The following PRKN variants were observed in gnomAD, a reference collection of about 807,000 sequenced individuals.
PRKN encodes E3 ubiquitin-protein ligase parkin.
In PRKN, 56 loss-of-function variants were observed where a neutral mutation model predicts 59.5. The ratio of observed to expected loss-of-function variants is 0.94; its 90% CI spans 0.76 to 1.18. The LOEUF is 1.18. PRKN is among the 50% of genes most tolerant of loss of function. The pLI is 0.00. For missense variants in PRKN, 657 were observed against 596.4 expected, an observed-to-expected ratio of 1.10 and a Z score of -1.06; for synonymous variants, 250 against 222.1, an observed-to-expected ratio of 1.13 and a Z score of -1.12.
chr6:161,895,774 G>A (rs998417125), intron 6 of PRKN, among the ~76,000 whole-genome samples: 1 of 152,100 alleles, frequency 6.6e-6, no homozygotes, highest in South Asian at 2.1e-4. Flanking sequence ...GGGTGCCTAT[G>A]AGTGCCTCAG....
intron 1 of PRKN, among the ~76,000 whole-genome samples, chr6:162,587,787 AAAG>A (rs1303453848): frequency 6.6e-6 from 1 of 152,146 alleles, no homozygotes; most frequent in African/African-American, 2.4e-5. Context: ...CTTTCCTCAT[AAAG>A]AAGCACAGAA....
chr6:161,627,336 T>G (rs761681645), intron 7 of PRKN, among the ~76,000 whole-genome samples: 11 of 152,228 alleles, frequency 7.2e-5, no homozygotes, highest in Non-Finnish European at 1.5e-4. Flanking sequence ...TACGTATTAT[T>G]TTCTGAAAGA....
chr6:162,425,129 C>T (rs781184748), intron 2 of PRKN, among the ~76,000 whole-genome samples: 1 of 152,020 alleles, frequency 6.6e-6, no homozygotes, highest in South Asian at 2.1e-4. Flanking sequence ...CTAGACCTTA[C>T]ATTTGATGGT....
chr6:162,480,157 T>C (rs544126074), intron 1 of PRKN, among the ~76,000 whole-genome samples: 2 of 152,242 alleles, frequency 1.3e-5, no homozygotes, highest in Admixed American at 1.3e-4. Flanking sequence ...CTATACATAA[T>C]TGTATGTGCT....
At chr6:161,752,122 A>T (rs887649251) in intron 7 of PRKN, among the ~76,000 whole-genome samples, 1 of 151,980 alleles carries the variant, frequency 6.6e-6, no homozygotes, top group Admixed American at 6.6e-5. Flanking sequence ...TTTTTGAAAA[A>T]CCCTCTCAGG....
chr6:161,640,922 C>T (rs114102275), intron 7 of PRKN, among the ~76,000 whole-genome samples: 7,093 of 152,292 alleles, frequency 0.047, 257 homozygotes, highest in African/African-American at 0.089. Flanking sequence ...AGTGATCTTT[C>T]GAAGCCCTGA....
chr6:161,935,897 A>G (rs1472196730), intron 6 of PRKN, among the ~76,000 whole-genome samples: 3 of 152,156 alleles, frequency 2.0e-5, no homozygotes, highest in African/African-American at 7.2e-5. Context: ...ACAATAGCCA[A>G]TGCCATAGAC....
intron 5 of PRKN, among the ~76,000 whole-genome samples, chr6:162,025,356 C>G (rs531165505): frequency 2.6e-5 from 4 of 152,010 alleles, no homozygotes; most frequent in Admixed American, 2.6e-4. Context: ...TTAGTATACT[C>G]TCATTTGACC....
At chr6:162,418,886 A>C (rs1034479994) in intron 2 of PRKN, among the ~76,000 whole-genome samples, 1 of 151,738 alleles carries the variant, frequency 6.6e-6, no homozygotes, top group East Asian at 2.0e-4. Flanking sequence ...GCCAGCTAGA[A>C]TCATCTGCGA....
At chr6:162,453,920 G>C (rs1460150492) in intron 1 of PRKN, among the ~76,000 whole-genome samples, 1 of 152,014 alleles carries the variant, frequency 6.6e-6, no homozygotes, top group African/African-American at 2.4e-5. Flanking sequence ...AAAACGATGA[G>C]AAAGTGGACA....
chr6:162,674,277 C>A (rs1334099418), intron 1 of PRKN, among the ~76,000 whole-genome samples: 1 of 152,086 alleles, frequency 6.6e-6, no homozygotes, highest in Non-Finnish European at 1.5e-5. Context: ...AATGGAAGAA[C>A]AGAAATACCA....
chr6:161,743,406 A>G (rs980588837), intron 7 of PRKN, among the ~76,000 whole-genome samples: 1 of 149,158 alleles, frequency 6.7e-6, no homozygotes, highest in Non-Finnish European at 1.5e-5. Context: ...TTATTTATTT[A>G]TTTATTTATT....
At chr6:162,161,576 G>C (rs1782760741) in intron 4 of PRKN, among the ~76,000 whole-genome samples, 1 of 152,128 alleles carries the variant, frequency 6.6e-6, no homozygotes. Flanking sequence ...AATCATCTTT[G>C]TCCGGCGTAT....
chr6:162,080,673 G>A (rs937225841), intron 4 of PRKN, among the ~76,000 whole-genome samples: 2 of 152,028 alleles, frequency 1.3e-5, no homozygotes, highest in Non-Finnish European at 2.9e-5. Flanking sequence ...GTCTTGCGTC[G>A]ATGCTGATGG....
At chr6:162,173,254 G>A (rs976043404) in intron 4 of PRKN, among the ~76,000 whole-genome samples, 4 of 152,060 alleles carry the variant, frequency 2.6e-5, no homozygotes, top group African/African-American at 4.8e-5. Flanking sequence ...TACAGTCATT[G>A]CCCCCAGATT....
intron 2 of PRKN, among the ~76,000 whole-genome samples, chr6:162,278,635 T>C (rs558038916): frequency 1.3e-5 from 2 of 152,182 alleles, no homozygotes; most frequent in East Asian, 3.9e-4. Context: ...TAAAGGACAA[T>C]TTGGGAACAA....
At chr6:162,096,848 ATTTTTTTTTTTTTTTTT>A (rs71004079) in intron 4 of PRKN, among the ~76,000 whole-genome samples, 3 of 49,180 alleles carry the variant, frequency 6.1e-5, no homozygotes, top group East Asian at 7.5e-4. Flanking sequence ...TACAGCTGGA[ATTTTTTTTTTTTTTTTT>A]TTTTTTTTTT....
At chr6:162,167,724 C>A in intron 4 of PRKN, among the ~76,000 whole-genome samples, 1 of 150,828 alleles carries the variant, frequency 6.6e-6, no homozygotes, top group African/African-American at 2.5e-5. Context: ...AAAAATTTGA[C>A]CAGTGTTTGT....
intron 1 of PRKN, among the ~76,000 whole-genome samples, chr6:162,449,978 C>T (rs139542472): frequency 4.7e-4 from 72 of 152,238 alleles, no homozygotes; most frequent in Middle Eastern, 3.4e-3. Context: ...AGGTGCAGTC[C>T]GTGCACATGG....
Sources: allele counts gnomAD v4.1 joint callset (sites outside exome capture counted in the v4.1 genomes callset), GRCh38; gene constraint gnomAD v4.1.1; transcripts MANE v1.5; gene names NCBI Gene and HGNC (gene_info 2026-07-23, HGNC 2026-07-21).